Variants in OSBPL9 observed in about 807,000 individuals in gnomAD.
OSBPL9 encodes oxysterol binding protein like 9, also known as oxysterol-binding protein-related protein 9.
A neutral mutation model predicts 106.6 loss-of-function variants in OSBPL9; 40 were observed. That is an observed-to-expected ratio of 0.38 (90% CI 0.29 to 0.49). The LOEUF (loss-of-function observed/expected upper bound fraction) is 0.49. Among genes scored for constraint, OSBPL9 ranks in the 20% least tolerant of loss-of-function variants. The probability of loss-of-function intolerance (pLI) is 0.97; values close to 1 mark genes in which losing one functional copy is unlikely to be tolerated. For missense variants in OSBPL9, 609 were observed against 887.2 expected, an observed-to-expected ratio of 0.69 and a Z score of 3.98; for synonymous variants, 269 against 295.4, an observed-to-expected ratio of 0.91 and a Z score of 0.92.
intron 8 of OSBPL9, among the ~76,000 whole-genome samples, chr1:51,755,093 CTT>C (rs533981392): frequency 1.0e-3 from 157 of 152,252 alleles, no homozygotes; most frequent in Non-Finnish European, 2.1e-3. Context: ...AGGCATGACT[CTT>C]TCTCTTTTTG....
chr1:51,743,089 T>C (rs1453655183), intron 4 of OSBPL9, among the ~76,000 whole-genome samples: 1 of 152,242 alleles, frequency 6.6e-6, no homozygotes, highest in Non-Finnish European at 1.5e-5. Context: ...GAATTTTACA[T>C]GATATTTTAT....
chr1:51,730,201 C>G, intron 4 of OSBPL9: 2 of 1,222,800 alleles, frequency 1.6e-6, no homozygotes, highest in Non-Finnish European at 2.0e-6. Flanking sequence ...GGGGTGGAGG[C>G]TGAGGTCAGG....
chr1:51,768,002 C>T lies in OSBPL9; in HGVS notation c.938+2021C>T, dbSNP rs373903290. ...TGTCGCCCAGGCTGGAGTGCAGTGGCGCCATCTTGGCTCACTGCAAGCTCC... is the reference window on the plus strand; with the variant it reads ...TGTCGCCCAGGCTGGAGTGCAGTGGTGCCATCTTGGCTCACTGCAAGCTCC... On this transcript the variant is annotated intron_variant, in intron 12 of 23. Coordinates refer to ENST00000428468, the MANE Select transcript of OSBPL9 (RefSeq NM_024586.6). 1.9e-3 allele frequency among the ~76,000 whole-genome samples: 223 copies of T among 115,028 alleles called. 6 individuals carry two copies. The Middle Eastern group carries it at 0.038, about 20-fold the overall frequency. 75.5% of individuals were successfully genotyped at this position (115,028 alleles called of 152,430 possible). A position where few individuals can be genotyped will look rare whatever the true frequency, so the allele number is the denominator to read the frequency against.
At chr1:51,783,045 CT>C (rs1171489670) in intron 17 of OSBPL9, among the ~76,000 whole-genome samples, 1 of 152,132 alleles carries the variant, frequency 6.6e-6, no homozygotes, top group Non-Finnish European at 1.5e-5. Context: ...AAAATGGTGT[CT>C]TTTATATTCA....
chr1:51,554,590 A>G, the OSBPL9 span, among the ~76,000 whole-genome samples: 5 of 152,230 alleles, frequency 3.3e-5, no homozygotes, highest in Non-Finnish European at 1.5e-5. Context: ...TGACAGAGCC[A>G]CAAGTACACA....
chr1:51,550,827 C>A, the OSBPL9 span, among the ~76,000 whole-genome samples: 1 of 152,028 alleles, frequency 6.6e-6, no homozygotes, highest in Non-Finnish European at 1.5e-5. Flanking sequence ...TACATTTAAA[C>A]AAAATAAAAT....
At chr1:51,560,020 C>A in the OSBPL9 span, among the ~76,000 whole-genome samples, 1 of 152,150 alleles carries the variant, frequency 6.6e-6, no homozygotes, top group Admixed American at 6.6e-5. Flanking sequence ...CATACATGAC[C>A]TCCTTGTACT....
intron 9 of OSBPL9, among the ~76,000 whole-genome samples, chr1:51,758,251 A>C (rs561094690): frequency 6.6e-6 from 1 of 152,162 alleles, no homozygotes; most frequent in South Asian, 2.1e-4. Context: ...ATTCTACAAA[A>C]TAGAATGAGA....
chr1:51,781,525 G>T, intron 16 of OSBPL9, 190 bp downstream of exon 16: 1 of 554,782 alleles, frequency 1.8e-6, no homozygotes, highest in Non-Finnish European at 3.1e-6. Flanking sequence ...GATGAGGATG[G>T]GGATGTAGAA....
At chr1:51,743,624 A>G (rs1386546556) in intron 4 of OSBPL9, among the ~76,000 whole-genome samples, 1 of 152,168 alleles carries the variant, frequency 6.6e-6, no homozygotes, top group African/African-American at 2.4e-5. Flanking sequence ...TAACCTTTTA[A>G]AATATTTACT....
intron 7 of OSBPL9, among the ~76,000 whole-genome samples, chr1:51,748,808 G>A (rs1485065424): frequency 5.9e-5 from 9 of 152,252 alleles, no homozygotes; most frequent in African/African-American, 7.2e-5. Flanking sequence ...GGGATTGGCC[G>A]GGCGCGGTGG....
chr1:51,650,803 C>T (rs1007044197), intron 1 of OSBPL9, among the ~76,000 whole-genome samples: 7 of 152,112 alleles, frequency 4.6e-5, no homozygotes, highest in African/African-American at 1.7e-4. Flanking sequence ...TGAGATGTTA[C>T]TTTGTTGTAT....
In OSBPL9 at chr1:51,789,180, C is replaced by T; in HGVS notation, c.*1391C>T. ...GTAGTATAACTAACTCCATAAAATA[C>T]AAACAAACACATTTTAAAATACACA... On this transcript the variant is annotated 3_prime_UTR_variant, in exon 24 of 24. Transcript: ENST00000428468. 1.3e-6 allele frequency: 2 copies of T among 1,527,502 alleles called. No individual in the cohort carries two copies. Among genetic ancestry groups the T allele is most frequent in the Non-Finnish European group, 9.1e-7 (1 of 1,102,362 alleles). 94.6% of individuals were successfully genotyped at this position (1,527,502 alleles called of 1,614,324 possible). A position where few individuals can be genotyped will look rare whatever the true frequency, so the allele number is the denominator to read the frequency against.
At chr1:51,530,866 C>T in the OSBPL9 span, among the ~76,000 whole-genome samples, 4 of 150,952 alleles carry the variant, frequency 2.6e-5, no homozygotes, top group African/African-American at 2.4e-5. Flanking sequence ...CCCAGCTACT[C>T]GGGAGGCTGA....
At chr1:51,786,662 C>T in intron 22 of OSBPL9, 45 bp downstream of exon 22, 1 of 1,529,478 alleles carries the variant, frequency 6.5e-7, no homozygotes, top group Non-Finnish European at 9.0e-7. Context: ...AGTGCTTAAA[C>T]TTTGCCTAGG....
the OSBPL9 span, among the ~76,000 whole-genome samples, chr1:51,554,313 T>C: frequency 6.6e-6 from 1 of 152,194 alleles, no homozygotes; most frequent in African/African-American, 2.4e-5. Flanking sequence ...AATTAACATA[T>C]TTCAACAATT....
intron 1 of OSBPL9, among the ~76,000 whole-genome samples, chr1:51,631,723 G>A (rs1345780853): frequency 1.3e-5 from 2 of 152,078 alleles, no homozygotes; most frequent in Admixed American, 6.6e-5. Context: ...GTTGAGTTTT[G>A]GGGAAGGATT....
At chr1:51,667,342 A>G (rs1648760930) in intron 2 of OSBPL9, among the ~76,000 whole-genome samples, 1 of 152,210 alleles carries the variant, frequency 6.6e-6, no homozygotes, top group South Asian at 2.1e-4. Context: ...AAAGAAATCT[A>G]GTATACCCAT....
At chr1:51,625,137 G>C (rs1644693047) in intron 1 of OSBPL9, among the ~76,000 whole-genome samples, 1 of 152,156 alleles carries the variant, frequency 6.6e-6, no homozygotes, top group Non-Finnish European at 1.5e-5. Flanking sequence ...CAGAGCCTGT[G>C]GAACTGTGTG....
Sources: gnomAD v4.1 joint callset for allele counts (sites outside exome capture counted in the v4.1 genomes callset) on GRCh38, gnomAD v4.1.1 for gene constraint, MANE v1.5 for transcripts, NCBI Gene and HGNC (gene_info 2026-07-23, HGNC 2026-07-21) for gene names.